The following CSMD1 variants were observed in gnomAD, a reference collection of about 807,000 sequenced individuals.
CSMD1 encodes CUB and Sushi multiple domains 1.
In CSMD1, 213 loss-of-function variants were observed where a neutral mutation model predicts 417.5. The ratio of observed to expected loss-of-function variants is 0.51; its 90% CI spans 0.46 to 0.57. The LOEUF is 0.57. CSMD1 is among the 20% of genes least tolerant of loss of function. CSMD1 has a pLI of 0.00. For missense variants in CSMD1, 6,923 were observed against 4,529.7 expected (o/e 1.53, Z -15.17); for synonymous variants, 2,862 against 1,736.8 (o/e 1.65, Z -16.11).
chr8:3,721,470 T>G (rs1414151919), intron 6 of CSMD1, among the ~76,000 whole-genome samples: 1 of 152,156 alleles, frequency 6.6e-6, no homozygotes, highest in African/African-American at 2.4e-5. Context: ...AGTCCATTAG[T>G]TTAACATCGG....
chr8:3,895,178 CAA>C (rs1262197195), intron 5 of CSMD1, among the ~76,000 whole-genome samples: 1 of 152,180 alleles, frequency 6.6e-6, no homozygotes, highest in Non-Finnish European at 1.5e-5. Flanking sequence ...GAGACACCAA[CAA>C]AGTTTCCTGT....
chr8:3,492,371 C>T (rs1413064431), intron 11 of CSMD1, among the ~76,000 whole-genome samples: 1 of 152,112 alleles, frequency 6.6e-6, no homozygotes, highest in Non-Finnish European at 1.5e-5. Context: ...TCTGGCACCA[C>T]AGAAACTCTC....
chr8:2,972,987 T>G, intron 57 of CSMD1, 130 bp downstream of exon 57: 1 of 883,300 alleles, frequency 1.1e-6, no homozygotes, highest in Non-Finnish European at 1.7e-6. Context: ...CCACAAATAT[T>G]GCGGGGAAAA....
intron 48 of CSMD1, among the ~76,000 whole-genome samples, chr8:3,089,550 G>T (rs934221908): frequency 6.6e-6 from 1 of 152,134 alleles, no homozygotes; most frequent in Non-Finnish European, 1.5e-5. Flanking sequence ...GCAACGTGTG[G>T]TCATGTGACA....
chr8:3,911,987 T>C (rs969181649), intron 5 of CSMD1, among the ~76,000 whole-genome samples: 4 of 152,184 alleles, frequency 2.6e-5, no homozygotes, highest in Non-Finnish European at 4.4e-5. Context: ...CCTGAACCGA[T>C]AAAAATAGTT....
intron 2 of CSMD1, among the ~76,000 whole-genome samples, chr8:4,459,315 A>G (rs1288685205): frequency 1.3e-5 from 2 of 152,188 alleles, no homozygotes; most frequent in Non-Finnish European, 2.9e-5. Flanking sequence ...TGAAGGTTCT[A>G]TGCCACCAGG....
chr8:3,432,310 T>C (rs967202427), intron 12 of CSMD1, among the ~76,000 whole-genome samples: 2 of 152,014 alleles, frequency 1.3e-5, no homozygotes, highest in Non-Finnish European at 2.9e-5. Context: ...GATAGACGGT[T>C]AAAAGAAAAA....
intron 33 of CSMD1, among the ~76,000 whole-genome samples, chr8:3,194,402 G>T (rs1014981333): frequency 8.4e-6 from 1 of 119,230 alleles, no homozygotes; most frequent in Non-Finnish European, 2.0e-5. Context: ...GAGACCATCT[G>T]ATTAACTATT....
chr8:4,047,476 A>C (rs1465251530), intron 3 of CSMD1, among the ~76,000 whole-genome samples: 1 of 152,188 alleles, frequency 6.6e-6, no homozygotes, highest in Non-Finnish European at 1.5e-5. Flanking sequence ...GCTAACTCAG[A>C]TTAGTGGTAG....
chr8:3,449,375 T>G (rs1815539643), intron 12 of CSMD1, among the ~76,000 whole-genome samples: 1 of 152,146 alleles, frequency 6.6e-6, no homozygotes, highest in Admixed American at 6.6e-5. Context: ...TGTGACAATG[T>G]CTCATGGGTT....
chr8:4,295,889 T>C (rs1469522067), intron 3 of CSMD1, among the ~76,000 whole-genome samples: 2 of 150,970 alleles, frequency 1.3e-5, no homozygotes, highest in African/African-American at 2.4e-5. Context: ...CTCTTGTCTT[T>C]TCTCCATTGC....
At chr8:3,782,639 G>A (rs570036757) in intron 5 of CSMD1, among the ~76,000 whole-genome samples, 2 of 152,158 alleles carry the variant, frequency 1.3e-5, no homozygotes, top group African/African-American at 4.8e-5. Context: ...AGAACTTAAA[G>A]TGTAATTTAA....
chr8:2,999,112 G>A (rs1486983149), intron 53 of CSMD1, among the ~76,000 whole-genome samples: 1 of 150,368 alleles, frequency 6.7e-6, no homozygotes, highest in Non-Finnish European at 1.5e-5. Context: ...GCTCAAGGTT[G>A]ATCATTCATT....
intron 18 of CSMD1, among the ~76,000 whole-genome samples, chr8:3,380,757 G>A (rs1057144742): frequency 6.6e-5 from 10 of 152,082 alleles, no homozygotes; most frequent in African/African-American, 2.4e-4. Flanking sequence ...GCAGGGCTAG[G>A]GGAGGCATAG....
intron 3 of CSMD1, among the ~76,000 whole-genome samples, chr8:4,123,545 C>G (rs1221426369): frequency 3.3e-5 from 5 of 152,108 alleles, no homozygotes; most frequent in African/African-American, 1.2e-4. Context: ...AAAATGTGAA[C>G]TTGTAACACA....
chr8:3,548,828 C>T (rs1397079583), intron 10 of CSMD1, among the ~76,000 whole-genome samples: 1 of 152,058 alleles, frequency 6.6e-6, no homozygotes, highest in Non-Finnish European at 1.5e-5. Flanking sequence ...GCAAAGCCAC[C>T]CTTGCTAGGA....
At chr8:3,261,418 G>A (rs779268490) in intron 26 of CSMD1, among the ~76,000 whole-genome samples, 7 of 152,118 alleles carry the variant, frequency 4.6e-5, no homozygotes, top group Non-Finnish European at 8.8e-5. Context: ...CAGTATATAC[G>A]GCTTGGGTGA....
chr8:4,899,970 G>A (rs1217434970), intron 1 of CSMD1, among the ~76,000 whole-genome samples: 2 of 151,876 alleles, frequency 1.3e-5, no homozygotes, highest in South Asian at 4.2e-4. Context: ...TAAATAAATG[G>A]GTCTTATTTT....
intron 1 of CSMD1, among the ~76,000 whole-genome samples, chr8:4,747,164 G>C (rs78055712): frequency 6.6e-6 from 1 of 152,032 alleles, no homozygotes; most frequent in African/African-American, 2.4e-5. Flanking sequence ...TTACTTATAG[G>C]GGGAGAGGAA....
Sources: gnomAD v4.1 joint callset for allele counts (sites outside exome capture counted in the v4.1 genomes callset) on GRCh38, gnomAD v4.1.1 for gene constraint, MANE v1.5 for transcripts, NCBI Gene and HGNC (gene_info 2026-07-23, HGNC 2026-07-21) for gene names.